The following NINL variants were observed in gnomAD, a reference collection of about 807,000 sequenced individuals.
NINL encodes the protein ninein like, also known as ninein-like protein.
Under a neutral mutation model 160.3 loss-of-function variants are expected in NINL, and 153 were observed. That is an observed-to-expected ratio of 0.95 (90% CI 0.84 to 1.09). NINL has a LOEUF of 1.09. NINL is among the 50% of genes least tolerant of loss of function. NINL has a pLI of 0.00. For synonymous variants in NINL, 800 were observed against 734.8 expected (o/e 1.09, Z -1.43); for missense variants, 1,829 against 1,764.0 (o/e 1.04, Z -0.66).
At chr20:25,547,061 T>C (rs2064742633) in intron 1 of NINL, among the ~76,000 whole-genome samples, 1 of 152,166 alleles carries the variant, frequency 6.6e-6, no homozygotes, top group South Asian at 2.1e-4. Context: ...GCAAAAAGTG[T>C]ATGTTTAGTC....
chr20:25,547,734 A>G (rs1386655805), intron 1 of NINL, among the ~76,000 whole-genome samples: 4 of 152,188 alleles, frequency 2.6e-5, no homozygotes, highest in Non-Finnish European at 2.9e-5. Context: ...ATACAATCAC[A>G]TTCTGAGGTA....
At chr20:25,544,747 T>C (rs1183459111) in intron 1 of NINL, among the ~76,000 whole-genome samples, 1 of 152,238 alleles carries the variant, frequency 6.6e-6, no homozygotes, top group Non-Finnish European at 1.5e-5. Context: ...CAAAAAGGTT[T>C]TTCCTCTGGC....
intron 18 of NINL, among the ~76,000 whole-genome samples, chr20:25,468,166 AG>A (rs2062963666): frequency 6.6e-6 from 1 of 152,076 alleles, no homozygotes; most frequent in Admixed American, 6.5e-5. Flanking sequence ...TCCCTTCCTC[AG>A]TCCCAGCCCT....
At chr20:25,526,862 T>C (rs2064370586) in intron 1 of NINL, among the ~76,000 whole-genome samples, 3 of 152,162 alleles carry the variant, frequency 2.0e-5, no homozygotes, top group African/African-American at 7.2e-5. Flanking sequence ...AATTTCTTTG[T>C]TGTATGAAAA....
chr20:25,504,786 C>T, intron 6 of NINL, 102 bp downstream of exon 6: 1 of 1,169,492 alleles, frequency 8.6e-7, no homozygotes, highest in African/African-American at 1.5e-5. Context: ...GAAAGTGATG[C>T]ACCTACATGA....
At chr20:25,482,181 G>C (rs765227977) in intron 13 of NINL, 81 bp from the exon 14 acceptor site, 2 of 1,508,170 alleles carry the variant, frequency 1.3e-6, no homozygotes, top group African/African-American at 2.7e-5. Context: ...CCTCCAGGGG[G>C]GTCCCTTGCA....
At chr20:25,507,881 C>T (rs996148832) in intron 5 of NINL, among the ~76,000 whole-genome samples, 1 of 152,156 alleles carries the variant, frequency 6.6e-6, no homozygotes, top group Non-Finnish European at 1.5e-5. Flanking sequence ...CAGAAGAGGT[C>T]GGGCAAGTCC....
Position 25,579,944 on chromosome 20 carries a change from G to C in NINL, c.-12+5511C>G, listed in dbSNP as rs967724144. 7.9e-5 allele frequency among the ~76,000 whole-genome samples: 12 copies of C among 152,326 alleles called. 1 individual carries two copies. The South Asian group carries it at 2.5e-3, about 32-fold the overall frequency. ...CTTAAAAACTGAGAGATTTTGAAGA[G>C]TGATTGCCCCTCAGGTCTCTGACCA... is the stretch of plus-strand genomic sequence containing the variant. On this transcript the variant is annotated intron_variant, in intron 1 of 23. Coordinates refer to ENST00000278886, the MANE Select transcript of NINL (RefSeq NM_025176.6).
At chr20:25,485,448 C>T (rs568913456) in intron 13 of NINL, among the ~76,000 whole-genome samples, 11 of 152,332 alleles carry the variant, frequency 7.2e-5, no homozygotes, top group Admixed American at 2.0e-4. Flanking sequence ...GCCAGCAGAA[C>T]GGGAGGAAGT....
intron 1 of NINL, among the ~76,000 whole-genome samples, chr20:25,573,089 A>C (rs1183789481): frequency 6.6e-6 from 1 of 152,048 alleles, no homozygotes; most frequent in African/African-American, 2.4e-5. Flanking sequence ...CTGAGGTCTG[A>C]AGTTCCAGAC....
chr20:25,511,556 C>A (rs1396409971), intron 4 of NINL, among the ~76,000 whole-genome samples: 1 of 152,144 alleles, frequency 6.6e-6, no homozygotes, highest in Non-Finnish European at 1.5e-5. Context: ...GATAAATACG[C>A]AACCCCATTT....
intron 13 of NINL, among the ~76,000 whole-genome samples, chr20:25,485,490 C>G (rs146728676): frequency 6.6e-6 from 1 of 152,300 alleles, no homozygotes; most frequent in South Asian, 2.1e-4. Flanking sequence ...AGCACTGGGC[C>G]GTGAAGGGTC....
At chr20:25,499,078 T>C in intron 8 of NINL, 1 of 985,468 alleles carries the variant, frequency 1.0e-6, no homozygotes, top group Non-Finnish European at 1.2e-6. Flanking sequence ...GCAGGCACCA[T>C]GGCAGGGCGG....
intron 1 of NINL, among the ~76,000 whole-genome samples, chr20:25,563,506 A>G (rs2064967559): frequency 6.6e-6 from 1 of 152,220 alleles, no homozygotes; most frequent in Non-Finnish European, 1.5e-5. Flanking sequence ...CTAATGAACA[A>G]AAAGAAAATA....
chr20:25,564,577 C>G (rs1251117879), intron 1 of NINL, among the ~76,000 whole-genome samples: 1 of 152,106 alleles, frequency 6.6e-6, no homozygotes, highest in Non-Finnish European at 1.5e-5. Context: ...CTTGGCCTCC[C>G]AAAGTGTAGG....
intron 14 of NINL, among the ~76,000 whole-genome samples, chr20:25,480,656 C>G (rs1161676449): frequency 6.6e-6 from 1 of 152,194 alleles, no homozygotes; most frequent in Non-Finnish European, 1.5e-5. Flanking sequence ...TGCCGATGAC[C>G]ACAGCTGTGT....
chr20:25,525,514 T>C (rs1214115012), intron 2 of NINL, among the ~76,000 whole-genome samples: 1 of 151,632 alleles, frequency 6.6e-6, no homozygotes, highest in Non-Finnish European at 1.5e-5. Context: ...ATTAGGCCGG[T>C]GTGGTGGTGC....
intron 5 of NINL, among the ~76,000 whole-genome samples, chr20:25,510,335 AGGCCCTCCTGCCTGAAACCACAG>A (rs2064044560): frequency 6.6e-6 from 1 of 152,234 alleles, no homozygotes; most frequent in South Asian, 2.1e-4. Context: ...GGGCCAAGCA[AGGCCCTCCTGCCTGAAACCACAG>A]GGCCACACCT....
At chr20:25,576,318 G>A (rs2065115028) in intron 1 of NINL, among the ~76,000 whole-genome samples, 1 of 152,186 alleles carries the variant, frequency 6.6e-6, no homozygotes, top group African/African-American at 2.4e-5. Context: ...ACCTGGGTCA[G>A]GTGTGTCCTT....
Sources: allele counts gnomAD v4.1 joint callset (sites outside exome capture counted in the v4.1 genomes callset), GRCh38; gene constraint gnomAD v4.1.1; transcripts MANE v1.5; gene names NCBI Gene and HGNC (gene_info 2026-07-23, HGNC 2026-07-21).